The following SLC24A2 variants were observed in gnomAD, a reference collection of about 807,000 sequenced individuals.
The protein encoded by SLC24A2 is sodium/potassium/calcium exchanger 2.
In SLC24A2, 36 loss-of-function variants were observed where a neutral mutation model predicts 62.0. The ratio of observed to expected loss-of-function variants is 0.58; its 90% CI spans 0.44 to 0.77. SLC24A2 has a LOEUF of 0.77. SLC24A2 is among the 30% of genes least tolerant of loss of function. The pLI, the probability that SLC24A2 is intolerant of heterozygous loss-of-function variation, is 0.00. For synonymous variants in SLC24A2, 358 were observed against 294.0 expected (o/e 1.22, Z -2.23); for missense variants, 846 against 817.9 (o/e 1.03, Z -0.42).
At chr9:19,844,423 G>GTCAGA in the SLC24A2 span, among the ~76,000 whole-genome samples, 1 of 152,046 alleles carries the variant, frequency 6.6e-6, no homozygotes, top group African/African-American at 2.4e-5. Context: ...TTAAACCTTT[G>GTCAGA]TCAGATGCAT....
the SLC24A2 span, among the ~76,000 whole-genome samples, chr9:20,244,843 T>C: frequency 6.6e-6 from 1 of 152,184 alleles, no homozygotes; most frequent in African/African-American, 2.4e-5. Context: ...TCCAATGCAG[T>C]ATGTTTACTT....
chr9:20,279,197 T>G, the SLC24A2 span, among the ~76,000 whole-genome samples: 1 of 152,188 alleles, frequency 6.6e-6, no homozygotes, highest in Non-Finnish European at 1.5e-5. Context: ...AAGATGAGAT[T>G]TGGATGGGGA....
the SLC24A2 span, among the ~76,000 whole-genome samples, chr9:20,118,387 A>C: frequency 6.6e-6 from 1 of 152,218 alleles, no homozygotes; most frequent in East Asian, 1.9e-4. Flanking sequence ...TTCTACCAAG[A>C]AACTAGAAAC....
At chr9:19,863,286 T>C in the SLC24A2 span, among the ~76,000 whole-genome samples, 1 of 152,058 alleles carries the variant, frequency 6.6e-6, no homozygotes, top group African/African-American at 2.4e-5. Flanking sequence ...CCCAATACGA[T>C]AATAGCTGAA....
At chr9:20,274,207 G>C in the SLC24A2 span, among the ~76,000 whole-genome samples, 2 of 152,178 alleles carry the variant, frequency 1.3e-5, no homozygotes, top group Admixed American at 6.5e-5. Context: ...GATGCCAGCT[G>C]TTGTGGCTTC....
the SLC24A2 span, among the ~76,000 whole-genome samples, chr9:20,227,391 G>C: frequency 6.6e-6 from 1 of 152,010 alleles, no homozygotes; most frequent in African/African-American, 2.4e-5. Context: ...TCTTTGTGGT[G>C]TTTTAATACC....
the SLC24A2 span, among the ~76,000 whole-genome samples, chr9:20,303,186 G>A: frequency 9.5e-4 from 144 of 151,816 alleles, 1 homozygote; most frequent in African/African-American, 2.7e-3. Context: ...CATGCATCAC[G>A]GGAGTACAGT....
the SLC24A2 span, among the ~76,000 whole-genome samples, chr9:20,017,839 C>T: frequency 3.9e-5 from 6 of 152,226 alleles, no homozygotes; most frequent in Non-Finnish European, 5.9e-5. Flanking sequence ...TTAGATGGTG[C>T]CCACCCAGAT....
the SLC24A2 span, among the ~76,000 whole-genome samples, chr9:20,014,422 C>CA: frequency 6.6e-6 from 1 of 151,462 alleles, no homozygotes; most frequent in Non-Finnish European, 1.5e-5. Flanking sequence ...GGGATGTCTG[C>CA]ACTCCCACGA....
chr9:19,796,391 C>T, the SLC24A2 span, among the ~76,000 whole-genome samples: 1 of 152,182 alleles, frequency 6.6e-6, no homozygotes, highest in Non-Finnish European at 1.5e-5. Context: ...CTTGTTTCTT[C>T]CTTGACAGCC....
chr9:19,620,677 G>A (rs1485308410), intron 3 of SLC24A2, among the ~76,000 whole-genome samples: 2 of 152,132 alleles, frequency 1.3e-5, no homozygotes, highest in Admixed American at 6.6e-5. Flanking sequence ...CTGTCTCCCC[G>A]TGGTTGATTT....
intron 2 of SLC24A2, among the ~76,000 whole-genome samples, chr9:19,762,167 C>A (rs1249320450): frequency 1.3e-5 from 2 of 151,822 alleles, no homozygotes; most frequent in Admixed American, 6.6e-5. Flanking sequence ...TTGTTTTTTT[C>A]TTGTAAATTT....
chr9:20,303,210 C>T, the SLC24A2 span, among the ~76,000 whole-genome samples: 1 of 152,124 alleles, frequency 6.6e-6, no homozygotes, highest in Non-Finnish European at 1.5e-5. Context: ...TATCCCTCTT[C>T]TTACCATTCC....
chr9:20,039,521 G>C, the SLC24A2 span, among the ~76,000 whole-genome samples: 1 of 152,028 alleles, frequency 6.6e-6, no homozygotes, highest in Admixed American at 6.6e-5. Flanking sequence ...ATATTGGGAA[G>C]AATTTAGGAG....
chr9:19,563,355 T>A (rs1425983924), intron 7 of SLC24A2, among the ~76,000 whole-genome samples: 1 of 151,802 alleles, frequency 6.6e-6, no homozygotes, highest in Non-Finnish European at 1.5e-5. Flanking sequence ...TTTTTAAAGT[T>A]TGAAAATGGT....
the SLC24A2 span, among the ~76,000 whole-genome samples, chr9:20,030,012 T>C: frequency 6.6e-6 from 1 of 152,166 alleles, no homozygotes; most frequent in Non-Finnish European, 1.5e-5. Context: ...TAGGTGACAT[T>C]GGAGGTGAAC....
At chr9:19,705,956 G>C (rs1820502471) in intron 2 of SLC24A2, among the ~76,000 whole-genome samples, 1 of 151,866 alleles carries the variant, frequency 6.6e-6, no homozygotes, top group Admixed American at 6.6e-5. Flanking sequence ...GGTCTGCTTG[G>C]TGCAGAGCTG....
the SLC24A2 span, among the ~76,000 whole-genome samples, chr9:19,917,367 T>TG: frequency 4.6e-5 from 7 of 150,904 alleles, no homozygotes; most frequent in Admixed American, 4.0e-4. Flanking sequence ...TTTTTTTTTT[T>TG]GGCATTTAGT....
Position 19,740,090 on chromosome 9 carries a change from T to C in SLC24A2, c.930+45847A>G, listed in dbSNP as rs184870326. On this transcript the variant is annotated intron_variant, in intron 2 of 10. Transcript: ENST00000341998. Reference sequence around the variant, plus strand: ...CGGTCAAAATGAAAAATACAGACAATGCCAAGTGATGGCAAGGATATAGAG... The same window carrying C: ...CGGTCAAAATGAAAAATACAGACAACGCCAAGTGATGGCAAGGATATAGAG... Among the ~76,000 whole-genome samples the C allele has an allele frequency of 2.6e-4, 39 of 152,222 alleles. No homozygotes were observed. The East Asian group carries it at 7.0e-3, about 27-fold the overall frequency.
Sources: gnomAD v4.1 joint callset for allele counts (sites outside exome capture counted in the v4.1 genomes callset) on GRCh38, gnomAD v4.1.1 for gene constraint, MANE v1.5 for transcripts, NCBI Gene and HGNC (gene_info 2026-07-23, HGNC 2026-07-21) for gene names.